The following NUP210L variants were observed in gnomAD, a reference collection of about 807,000 sequenced individuals.
NUP210L encodes nucleoporin 210 like, also known as nuclear pore membrane glycoprotein 210-like.
In NUP210L, 74 loss-of-function variants were observed where a neutral mutation model predicts 208.5. The ratio of observed to expected loss-of-function variants is 0.35; its 90% CI spans 0.29 to 0.43. The LOEUF is 0.43. Ranked by LOEUF, NUP210L falls within the 20% of genes least tolerant of loss-of-function variation. The pLI, the probability that NUP210L is intolerant of heterozygous loss-of-function variation, is 1.00. For missense variants in NUP210L, 1,843 were observed against 2,289.4 expected (o/e 0.81, Z 3.98); for synonymous variants, 780 against 816.9 (o/e 0.95, Z 0.77).
intron 10 of NUP210L, among the ~76,000 whole-genome samples, chr1:154,122,529 G>A (rs934708538): frequency 2.0e-5 from 3 of 152,000 alleles, no homozygotes; most frequent in African/African-American, 7.2e-5. Flanking sequence ...GGTGGCAGGC[G>A]CCTGTAGTCC....
chr1:154,035,308 A>C (rs1040247558), intron 27 of NUP210L, among the ~76,000 whole-genome samples: 2 of 150,294 alleles, frequency 1.3e-5, no homozygotes, highest in African/African-American at 4.9e-5. Context: ...GATATTTATT[A>C]TTTCTTTTCC....
chr1:154,112,858 G>GAA (rs35923188), intron 12 of NUP210L, among the ~76,000 whole-genome samples: 97 of 127,232 alleles, frequency 7.6e-4, no homozygotes, highest in South Asian at 2.3e-3. Flanking sequence ...CCTGTCTGGG[G>GAA]AAAAAAAAAA....
intron 33 of NUP210L, among the ~76,000 whole-genome samples, chr1:154,017,003 C>T (rs756366576): frequency 2.6e-5 from 4 of 151,604 alleles, no homozygotes; most frequent in South Asian, 2.1e-4. Context: ...AAAGCCTGGG[C>T]GCAGTGGCAG....
At chr1:154,049,672 T>C (rs1196427055) in intron 25 of NUP210L, among the ~76,000 whole-genome samples, 2 of 152,236 alleles carry the variant, frequency 1.3e-5, no homozygotes, top group South Asian at 2.1e-4. Context: ...AAAAATCAGG[T>C]AAATGGAGAA....
chr1:154,084,319 C>A (rs1335733923), intron 16 of NUP210L, among the ~76,000 whole-genome samples: 1 of 150,892 alleles, frequency 6.6e-6, no homozygotes, highest in Non-Finnish European at 1.5e-5. Context: ...TCAAGCGATT[C>A]TCATACCTCA....
intron 35 of NUP210L, among the ~76,000 whole-genome samples, chr1:154,009,691 C>T (rs1044598938): frequency 6.9e-6 from 1 of 143,940 alleles, no homozygotes; most frequent in African/African-American, 2.6e-5. Context: ...ACTCAGGAGG[C>T]TGAGGCAGGG....
chr1:154,142,813 G>A (rs780259841), intron 3 of NUP210L, among the ~76,000 whole-genome samples: 1 of 151,432 alleles, frequency 6.6e-6, no homozygotes, highest in Non-Finnish European at 1.5e-5. Flanking sequence ...CGCCTGAAGC[G>A]GGAGGGCAGA....
chr1:153,999,651 C>T (rs1650091299), intron 37 of NUP210L, among the ~76,000 whole-genome samples: 1 of 141,500 alleles, frequency 7.1e-6, no homozygotes, highest in Non-Finnish European at 1.5e-5. Context: ...GCGGGAGAAT[C>T]GCTTGAACTT....
intron 16 of NUP210L, 30 bp from the exon 17 acceptor site, chr1:154,070,495 CA>C: frequency 7.0e-7 from 1 of 1,419,908 alleles, no homozygotes; most frequent in Admixed American, 2.4e-5. Flanking sequence ...AATAAAACAA[CA>C]ATTTAAAAAT....
intron 10 of NUP210L, among the ~76,000 whole-genome samples, chr1:154,125,179 G>C (rs1489427656): frequency 6.6e-6 from 1 of 151,882 alleles, no homozygotes; most frequent in Admixed American, 6.6e-5. Context: ...GCCGGTTGTG[G>C]TGGCTCATGC....
At chr1:154,055,159 CTTTCTTTCT>C (rs1334164020) in intron 23 of NUP210L, among the ~76,000 whole-genome samples, 3 of 115,396 alleles carry the variant, frequency 2.6e-5, no homozygotes, top group African/African-American at 1.0e-4. Context: ...TTCTTTCTTT[CTTTCTTTCT>C]TTCTTTCTTT....
In NUP210L at chr1:154,003,643, C is replaced by T. The variant is rs183587831; in HGVS notation, c.4931-1658G>A. ...TCAGAGCTAGGGCTACAGGTGCGCG[C>T]CACCATGCCTGGCTATTTTATTTTT... is the stretch of plus-strand genomic sequence containing the variant. On this transcript the variant is annotated intron_variant, in intron 35 of 39. Coordinates refer to ENST00000368559, the Ensembl canonical transcript of NUP210L. Among the ~76,000 whole-genome samples, 23 of 152,212 alleles carry T rather than the reference C, an allele frequency of 1.5e-4. No individual in the cohort carries two copies. The East Asian group carries it at 4.0e-3, about 27-fold the overall frequency.
At chr1:154,050,140 T>C (rs1653407754) in intron 25 of NUP210L, among the ~76,000 whole-genome samples, 2 of 152,204 alleles carry the variant, frequency 1.3e-5, no homozygotes, top group African/African-American at 4.8e-5. Context: ...TACTACTCCT[T>C]ACTCCTACTT....
chr1:154,048,027 T>G (rs1009683786), intron 25 of NUP210L, among the ~76,000 whole-genome samples: 1 of 152,200 alleles, frequency 6.6e-6, no homozygotes, highest in African/African-American at 2.4e-5. Flanking sequence ...GGCTCTAGTT[T>G]GTTCCACCTT....
At chr1:154,012,493 C>G in intron 33 of NUP210L, 123 bp from the exon 34 acceptor site, 2 of 856,120 alleles carry the variant, frequency 2.3e-6, no homozygotes, top group Non-Finnish European at 1.8e-6. Context: ...GATTCCATCT[C>G]ATGACCACAT....
At chr1:154,082,361 T>G (rs897461092) in intron 16 of NUP210L, among the ~76,000 whole-genome samples, 1 of 152,160 alleles carries the variant, frequency 6.6e-6, no homozygotes, top group East Asian at 1.9e-4. Context: ...GTCAATCTAT[T>G]AAAAAGATGT....
At chr1:154,048,434 G>C (rs1021101960) in intron 25 of NUP210L, among the ~76,000 whole-genome samples, 1 of 152,138 alleles carries the variant, frequency 6.6e-6, no homozygotes, top group African/African-American at 2.4e-5. Context: ...AATACTTAAA[G>C]AGTTTAAACA....
rs1242932588 is a variant in NUP210L, at chr1:154,025,523, A to T, written c.4122+19T>A. The T allele has an allele frequency of 4.1e-6, 6 of 1,451,000 alleles. No homozygotes were observed. Among genetic ancestry groups the T allele is most frequent in the Non-Finnish European group, 5.5e-6 (6 of 1,087,738 alleles). 89.9% of individuals were successfully genotyped at this position (1,451,000 alleles called of 1,614,324 possible). ...TGACTTTTATTTATTTGTTTTTTTT[A>T]GTAAGTCCATGAACTCACCTGGACC... is the stretch of plus-strand genomic sequence containing the variant. On this transcript the variant is annotated intron_variant, in intron 30 of 39. Transcript: ENST00000368559.
intron 25 of NUP210L, among the ~76,000 whole-genome samples, chr1:154,052,038 G>A (rs1338961991): frequency 6.6e-6 from 1 of 152,206 alleles, no homozygotes; most frequent in South Asian, 2.1e-4. Flanking sequence ...GGGACTACGG[G>A]ACCCCCGTAT....
Sources: allele counts gnomAD v4.1 joint callset (sites outside exome capture counted in the v4.1 genomes callset), GRCh38; gene constraint gnomAD v4.1.1; transcripts MANE v1.5; gene names NCBI Gene and HGNC (gene_info 2026-07-23, HGNC 2026-07-21).